FRMD4A: variants seen among roughly 807,000 people sequenced by gnomAD.
FRMD4A encodes the protein FERM domain-containing protein 4A.
In FRMD4A, 29 loss-of-function variants were observed where a neutral mutation model predicts 129.1. The ratio of observed to expected loss-of-function variants is 0.22; its 90% CI spans 0.17 to 0.31. The LOEUF (loss-of-function observed/expected upper bound fraction) is 0.31, where lower values mean the gene tolerates loss of function less well. FRMD4A is among the 10% of genes least tolerant of loss of function. FRMD4A has a pLI of 1.00. For synonymous variants in FRMD4A, 634 were observed against 571.6 expected, an observed-to-expected ratio of 1.11 and a Z score of -1.56; for missense variants, 1,272 against 1,375.8, an observed-to-expected ratio of 0.92 and a Z score of 1.19.
At chr10:13,957,356 C>G (rs981628198) in intron 2 of FRMD4A, among the ~76,000 whole-genome samples, 2 of 152,194 alleles carry the variant, frequency 1.3e-5, no homozygotes, top group African/African-American at 4.8e-5. Flanking sequence ...CGGGTTCAAA[C>G]AAGTCTCTTG....
chr10:14,145,846 G>A (rs550635193), intron 2 of FRMD4A, among the ~76,000 whole-genome samples: 1 of 152,280 alleles, frequency 6.6e-6, no homozygotes, highest in South Asian at 2.1e-4. Flanking sequence ...TATAAGCAAG[G>A]ATGTAAATCT....
At chr10:13,911,575 A>G (rs2094941069) in intron 2 of FRMD4A, among the ~76,000 whole-genome samples, 1 of 152,004 alleles carries the variant, frequency 6.6e-6, no homozygotes, top group African/African-American at 2.4e-5. Flanking sequence ...TTTTATTTTT[A>G]TTTTGGAGAC....
chr10:14,193,869 G>T (rs1210859898), intron 2 of FRMD4A, among the ~76,000 whole-genome samples: 6 of 152,080 alleles, frequency 3.9e-5, no homozygotes, highest in African/African-American at 1.4e-4. Context: ...GTCCCTAAAA[G>T]GTTCTGTGGT....
At chr10:13,960,046 T>C (rs1216825608) in intron 2 of FRMD4A, among the ~76,000 whole-genome samples, 1 of 152,144 alleles carries the variant, frequency 6.6e-6, no homozygotes, top group Admixed American at 6.5e-5. Flanking sequence ...AGCCCCCGCC[T>C]TTGGATCCGG....
intron 14 of FRMD4A, among the ~76,000 whole-genome samples, chr10:13,699,054 CT>C (rs34061856): frequency 0.44 from 56,096 of 127,658 alleles, 11,613 homozygotes; most frequent in South Asian, 0.55. Flanking sequence ...CTACAATAAT[CT>C]TTTTTTTTTT....
At chr10:14,011,830 G>A (rs766284241) in intron 2 of FRMD4A, among the ~76,000 whole-genome samples, 6 of 152,114 alleles carry the variant, frequency 3.9e-5, no homozygotes, top group Non-Finnish European at 8.8e-5. Context: ...CCAACATAGT[G>A]AAACCCCGTC....
intron 2 of FRMD4A, among the ~76,000 whole-genome samples, chr10:14,243,323 TC>T (rs1191345434): frequency 6.6e-6 from 1 of 152,180 alleles, no homozygotes; most frequent in Non-Finnish European, 1.5e-5. Context: ...TAGTGAGTTC[TC>T]ATGAGGTCTG....
chr10:14,057,535 A>G (rs1053911599), intron 2 of FRMD4A, among the ~76,000 whole-genome samples: 1 of 151,996 alleles, frequency 6.6e-6, no homozygotes, highest in African/African-American at 2.4e-5. Context: ...TTTTGAAACC[A>G]AAGGCCTCCC....
intron 2 of FRMD4A, among the ~76,000 whole-genome samples, chr10:14,318,612 CAAAAAA>C (rs66547751): frequency 1.5e-5 from 2 of 135,032 alleles, no homozygotes; most frequent in African/African-American, 5.7e-5. Context: ...TGCTAGTATG[CAAAAAA>C]AAAAAAAAAA....
chr10:13,701,457 C>A lies in FRMD4A; in HGVS notation c.858G>T (p.Thr286=). The part of the protein sequence containing the change: ...DPRRASVTRR[T]FGHSGIAVHT... ...GCACTGCAATGCCGCTGTGCCCAAA[C>A]GTCCTCCTTGTCACTGAAGCCCTGG... Residue 286 remains threonine (T), a synonymous_variant, in exon 14 of 25, where the codon ACG becomes ACT. Transcript: ENST00000357447. The A allele has an allele frequency of 6.2e-7, 1 of 1,613,780 alleles. No individual in the cohort carries two copies. Among genetic ancestry groups the A allele is most frequent in the Non-Finnish European group, 8.5e-7 (1 of 1,179,784 alleles).
chr10:13,918,283 T>C (rs1350363434), intron 2 of FRMD4A, among the ~76,000 whole-genome samples: 1 of 152,206 alleles, frequency 6.6e-6, no homozygotes, highest in African/African-American at 2.4e-5. Context: ...ACACCATTTT[T>C]GAATTAATGA....
intron 12 of FRMD4A, among the ~76,000 whole-genome samples, chr10:13,730,859 CAAAAAA>C (rs10639026): frequency 1.5e-4 from 14 of 90,854 alleles, no homozygotes; most frequent in Non-Finnish European, 2.1e-4. Context: ...ACTAAAAATA[CAAAAAA>C]AAAAAAAAAA....
At chr10:13,691,927 T>C (rs1226212675) in intron 15 of FRMD4A, among the ~76,000 whole-genome samples, 3 of 152,190 alleles carry the variant, frequency 2.0e-5, no homozygotes, top group African/African-American at 2.4e-5. Context: ...TCTTGGTCTT[T>C]GAATTTCATT....
chr10:14,121,364 T>C (rs1296778789), intron 2 of FRMD4A, among the ~76,000 whole-genome samples: 1 of 152,124 alleles, frequency 6.6e-6, no homozygotes, highest in Non-Finnish European at 1.5e-5. Flanking sequence ...TGAGACTCTG[T>C]CTCAAAACAG....
At chr10:14,243,555 G>A (rs1406257667) in intron 2 of FRMD4A, among the ~76,000 whole-genome samples, 3 of 152,042 alleles carry the variant, frequency 2.0e-5, no homozygotes, top group Non-Finnish European at 4.4e-5. Flanking sequence ...TCATAAAAAG[G>A]CAAATATTAT....
At chr10:14,268,180 C>G (rs1280819470) in intron 2 of FRMD4A, among the ~76,000 whole-genome samples, 1 of 152,140 alleles carries the variant, frequency 6.6e-6, no homozygotes, top group Non-Finnish European at 1.5e-5. Flanking sequence ...TATCATCTGT[C>G]TATATATTTG....
intron 4 of FRMD4A, among the ~76,000 whole-genome samples, chr10:13,805,633 A>T (rs111955913): frequency 4.0e-4 from 61 of 152,298 alleles, no homozygotes; most frequent in Admixed American, 8.5e-4. Flanking sequence ...ATAGCTTCTG[A>T]TAACGGGATC....
chr10:13,951,329 A>G (rs1018618645), intron 2 of FRMD4A, among the ~76,000 whole-genome samples: 1 of 151,950 alleles, frequency 6.6e-6, no homozygotes, highest in Non-Finnish European at 1.5e-5. Flanking sequence ...GGAAGGAGAG[A>G]GGTAGTGCGC....
At chr10:13,893,227 G>C (rs961745474) in intron 2 of FRMD4A, among the ~76,000 whole-genome samples, 1 of 152,078 alleles carries the variant, frequency 6.6e-6, no homozygotes, top group Admixed American at 6.6e-5. Flanking sequence ...TGTAGAGACG[G>C]GATCTTGTCA....
Sources: allele counts gnomAD v4.1 joint callset (sites outside exome capture counted in the v4.1 genomes callset), GRCh38; gene constraint gnomAD v4.1.1; transcripts MANE v1.5; gene names NCBI Gene and HGNC (gene_info 2026-07-23, HGNC 2026-07-21).